The following MYL4 variants were observed in gnomAD, a reference collection of about 807,000 sequenced individuals.
The protein encoded by MYL4 is myosin light chain 4, also known as atrial myosin light chain 1.
A neutral mutation model predicts 21.6 loss-of-function variants in MYL4; 16 were observed. That is an observed-to-expected ratio of 0.74 (90% CI 0.50 to 1.12). The LOEUF (loss-of-function observed/expected upper bound fraction) is 1.12, where lower values mean the gene tolerates loss of function less well. Among genes scored for constraint, MYL4 ranks in the 50% most tolerant of loss-of-function variants. The probability of loss-of-function intolerance (pLI) is 0.00; values close to 1 mark genes in which losing one functional copy is unlikely to be tolerated. For synonymous variants in MYL4, 82 were observed against 95.7 expected, an observed-to-expected ratio of 0.86 and a Z score of 0.83; for missense variants, 249 against 252.9, an observed-to-expected ratio of 0.98 and a Z score of 0.11.
At position 47,219,989 on chromosome 17, in the gene MYL4, G is replaced by A; in HGVS notation, c.249G>A (p.Arg83=). ...ITYGQCGDVL[R]ALGQNPTNAE... ...ACGGCCAGTGCGGGGATGTACTGCG[G>A]GCCCTGGGCCAGAACCCTACCAATG... Residue 83 remains arginine, a synonymous_variant, in exon 3 of 7, where the codon CGG becomes CGA. Transcript: ENST00000393450. 1 of 1,614,208 alleles carries A rather than the reference G, an allele frequency of 6.2e-7. No individual in the cohort carries two copies. The highest frequency in any genetic ancestry group is 8.5e-7 in the Non-Finnish European group (1 of 1,180,034).
chr17:47,221,937 T>G, intron 4 of MYL4, 82 bp downstream of exon 4: 2 of 1,472,744 alleles, frequency 1.4e-6, no homozygotes, highest in Non-Finnish European at 1.8e-6. Flanking sequence ...GCTGGTTGGG[T>G]GGGGGGTGGT....
chr17:47,200,051 T>C (rs764237974), upstream of MYL4, among the ~76,000 whole-genome samples: 5 of 150,132 alleles, frequency 3.3e-5, no homozygotes, highest in Non-Finnish European at 7.4e-5. Context: ...TCAATAAGTG[T>C]TAGTTGAATG....
Position 47,223,551 on chromosome 17 carries a change from A to G in MYL4, c.*58A>G, listed in dbSNP as rs572701811. On this transcript the variant is annotated 3_prime_UTR_variant, in exon 7 of 7. Transcript: ENST00000393450. ...TTAGCCATACCAGGGTGAGTTAAAG[A>G]GAGGCCCCGGCTGGGTGAGCTGAGA... 3.0e-4 allele frequency: 47 copies of G among 154,938 alleles called. No individual in the cohort carries two copies. Among genetic ancestry groups the G allele is most frequent in the African/African-American group, 1.1e-3 (46 of 41,596 alleles). The allele number at this position is 154,938 out of a possible 1,614,324, so 9.6% of individuals were successfully genotyped here. A position where few individuals can be genotyped will look rare whatever the true frequency, so the allele number is the denominator to read the frequency against.
the MYL4 span, among the ~76,000 whole-genome samples, chr17:47,190,512 C>T: frequency 6.6e-6 from 1 of 152,198 alleles, no homozygotes; most frequent in Non-Finnish European, 1.5e-5. Context: ...ATGATATATT[C>T]CATTGCTTGG....
chr17:47,198,836 A>AG (rs1321914731), upstream of MYL4, among the ~76,000 whole-genome samples: 1 of 152,108 alleles, frequency 6.6e-6, no homozygotes, highest in Non-Finnish European at 1.5e-5. Flanking sequence ...AATAAAAAAA[A>AG]CTAGCCAGGC....
At chr17:47,208,838 G>T (rs1688880754), upstream of MYL4, among the ~76,000 whole-genome samples, 1 of 152,132 alleles carries the variant, frequency 6.6e-6, no homozygotes. Flanking sequence ...AGTTGGGAGG[G>T]TGTGGGGCAG....
At chr17:47,193,210 C>T in the MYL4 span, among the ~76,000 whole-genome samples, 1 of 142,908 alleles carries the variant, frequency 7.0e-6, no homozygotes, top group African/African-American at 2.5e-5. Flanking sequence ...GTCAAATCAT[C>T]CTCTTCTTTT....
chr17:47,224,355 T>G (rs2064877439), downstream of MYL4, among the ~76,000 whole-genome samples: 1 of 152,158 alleles, frequency 6.6e-6, no homozygotes, highest in South Asian at 2.1e-4. Context: ...CTTGTGAGAC[T>G]TATTCACTAT....
intron 2 of MYL4, among the ~76,000 whole-genome samples, chr17:47,215,419 T>C (rs1025875650): frequency 6.6e-6 from 1 of 152,224 alleles, no homozygotes; most frequent in African/African-American, 2.4e-5. Context: ...TGAAGACATT[T>C]TTCCTTCTGT....
intron 2 of MYL4, among the ~76,000 whole-genome samples, chr17:47,219,698 G>A (rs760800459): frequency 2.6e-5 from 4 of 152,174 alleles, no homozygotes; most frequent in African/African-American, 9.7e-5. Context: ...GGAATGGGTC[G>A]TGGAGGCACC....
intron 1 of MYL4, among the ~76,000 whole-genome samples, chr17:47,202,286 C>T (rs2064712598): frequency 6.6e-6 from 1 of 152,184 alleles, no homozygotes; most frequent in Non-Finnish European, 1.5e-5. Flanking sequence ...GTGCCAGGCC[C>T]ACATTCTTTT....
At chr17:47,218,308 C>G (rs963448057) in intron 2 of MYL4, among the ~76,000 whole-genome samples, 1 of 152,146 alleles carries the variant, frequency 6.6e-6, no homozygotes, top group Admixed American at 6.5e-5. Flanking sequence ...TACGCAGCCT[C>G]GAAGGAAAGA....
chr17:47,190,603 CCTT>C, the MYL4 span, among the ~76,000 whole-genome samples: 1 of 152,154 alleles, frequency 6.6e-6, no homozygotes, highest in Non-Finnish European at 1.5e-5. Flanking sequence ...TACACTGCAT[CCTT>C]CTCCACCGCC....
At chr17:47,191,134 A>C in the MYL4 span, among the ~76,000 whole-genome samples, 1 of 152,230 alleles carries the variant, frequency 6.6e-6, no homozygotes, top group Non-Finnish European at 1.5e-5. Flanking sequence ...GCCTGTGAGC[A>C]TCACTTCTTG....
intron 2 of MYL4, among the ~76,000 whole-genome samples, chr17:47,218,972 A>C (rs1456916707): frequency 6.6e-6 from 1 of 152,184 alleles, no homozygotes; most frequent in Non-Finnish European, 1.5e-5. Flanking sequence ...TGTAACCACA[A>C]TTTGTCGATT....
chr17:47,227,426 T>C (rs2149051200), downstream of MYL4, among the ~76,000 whole-genome samples: 1 of 152,366 alleles, frequency 6.6e-6, no homozygotes, highest in African/African-American at 2.4e-5. Context: ...CCAGACCATG[T>C]ACAGTTGACC....
At chr17:47,218,649 G>A (rs770280748) in intron 2 of MYL4, among the ~76,000 whole-genome samples, 15 of 152,144 alleles carry the variant, frequency 9.9e-5, no homozygotes, top group Non-Finnish European at 1.8e-4. Flanking sequence ...GCCAGGTGTC[G>A]TGGTGGTGGG....
the MYL4 span, among the ~76,000 whole-genome samples, chr17:47,195,128 G>C: frequency 7.3e-6 from 1 of 137,400 alleles, no homozygotes; most frequent in African/African-American, 2.8e-5. Context: ...GTGCACTCTT[G>C]GCTCACTGCA....
chr17:47,219,976 G>T lies in MYL4; in HGVS notation c.236G>T (p.Gly79Val). ...GEMKITYGQC[G>V]DVLRALGQNP... ...ATGAAGATCACCTACGGCCAGTGCG[G>T]GGATGTACTGCGGGCCCTGGGCCAG... The change falls in exon 3 of 7, where the codon GGG (glycine) becomes GTG (valine). Residue 79 changes from glycine to valine, a missense_variant. Gly to Val is a moderately radical substitution (Grantham distance 109). Transcript: ENST00000393450. 5.0e-6 allele frequency: 8 copies of T among 1,614,228 alleles called. No homozygotes were observed. The highest frequency in any genetic ancestry group is 6.8e-6 in the Non-Finnish European group (8 of 1,180,042).
Sources: allele counts gnomAD v4.1 joint callset (sites outside exome capture counted in the v4.1 genomes callset), GRCh38; gene constraint gnomAD v4.1.1; transcripts MANE v1.5; gene names NCBI Gene and HGNC (gene_info 2026-07-23, HGNC 2026-07-21).